The following DOCK3 variants were observed in gnomAD, a reference collection of about 807,000 sequenced individuals.
DOCK3 encodes the protein dedicator of cytokinesis 3, also known as dedicator of cytokinesis protein 3.
In DOCK3, 60 loss-of-function variants were observed where a neutral mutation model predicts 265.6. That is an observed-to-expected ratio of 0.23 (90% CI 0.18 to 0.28). DOCK3 has a LOEUF of 0.28. Among genes scored for constraint, DOCK3 ranks in the 10% least tolerant of loss-of-function variants. The probability of loss-of-function intolerance (pLI) is 1.00; values close to 1 mark genes in which losing one functional copy is unlikely to be tolerated. For missense variants in DOCK3, 1,981 were observed against 2,594.3 expected, an observed-to-expected ratio of 0.76 and a Z score of 5.14; for synonymous variants, 881 against 938.0, an observed-to-expected ratio of 0.94 and a Z score of 1.11.
rs375920614 is a variant in DOCK3 at position 51,181,294 on chromosome 3, C to G, written c.1037+20592C>G. ...TAATGCTTTCCCTCCCCCCTCCCCC[C>G]ACCCCACAACAGGCCCTGGTGTATG... is the stretch of plus-strand genomic sequence containing the variant. On this transcript the variant is annotated intron_variant, in intron 12 of 52. Coordinates refer to ENST00000266037, the MANE Select transcript of DOCK3 (RefSeq NM_004947.5). Among the ~76,000 whole-genome samples the G allele has an allele frequency of 2.0e-3, 213 of 104,304 alleles. 1 individual carries two copies. Among genetic ancestry groups the G allele is most frequent in the Middle Eastern group, 0.01 (1 of 98 alleles). The allele number at this position is 104,304 out of a possible 152,430, so 68.4% of individuals were successfully genotyped here.
chr3:51,228,678 G>C lies in DOCK3; in HGVS notation c.1665G>C (p.Thr555=). 1 of 1,613,662 alleles carries C rather than the reference G, an allele frequency of 6.2e-7. No individual in the cohort carries two copies. The highest frequency in any genetic ancestry group is 1.1e-5 in the South Asian group (1 of 91,028). Reference sequence around the variant, plus strand: ...GCCTACAGTGTGATGAGAATAGCACGTTTAATAACCATGCTCTGTACCTGG... The same window carrying C: ...GCCTACAGTGTGATGAGAATAGCACCTTTAATAACCATGCTCTGTACCTGG... ...LYVYKCDENS[T]FNNHALYLGL... The change falls in exon 18 of 53, where the codon ACG becomes ACC. Residue 555 remains threonine (T), a synonymous_variant. Coordinates refer to ENST00000266037, the MANE Select transcript of DOCK3 (RefSeq NM_004947.5).
chr3:50,888,129 A>G (rs989712134), intron 3 of DOCK3, among the ~76,000 whole-genome samples: 1 of 152,130 alleles, frequency 6.6e-6, no homozygotes, highest in Non-Finnish European at 1.5e-5. Flanking sequence ...TCAGCCCAAA[A>G]TCTCCTTAAG....
At chr3:51,047,122 A>G (rs2080807144) in intron 5 of DOCK3, among the ~76,000 whole-genome samples, 1 of 152,144 alleles carries the variant, frequency 6.6e-6, no homozygotes, top group African/African-American at 2.4e-5. Context: ...ATTATGCCTC[A>G]AGAAGCTAGA....
At chr3:51,317,542 T>G (rs1371533963) in intron 32 of DOCK3, among the ~76,000 whole-genome samples, 1 of 149,424 alleles carries the variant, frequency 6.7e-6, no homozygotes, top group East Asian at 1.9e-4. Context: ...ATCGCACCAC[T>G]GCACTCCAGC....
At chr3:50,702,892 A>G (rs905040828) in intron 1 of DOCK3, among the ~76,000 whole-genome samples, 9 of 152,118 alleles carry the variant, frequency 5.9e-5, no homozygotes, top group Non-Finnish European at 1.3e-4. Flanking sequence ...GAATAAGAGT[A>G]GTGAAAGTGG....
chr3:50,979,976 GGCTTTCTAGT>G (rs923980863), intron 5 of DOCK3, among the ~76,000 whole-genome samples: 4 of 152,092 alleles, frequency 2.6e-5, no homozygotes, highest in Non-Finnish European at 5.9e-5. Flanking sequence ...ACTCTAGCTA[GGCTTTCTAGT>G]ACTGTGTTGA....
chr3:51,258,270 C>T (rs977148020), intron 22 of DOCK3, among the ~76,000 whole-genome samples: 1 of 152,238 alleles, frequency 6.6e-6, no homozygotes, highest in Admixed American at 6.5e-5. Context: ...ATTTGCCTAC[C>T]TCTCAGGAGA....
rs550050183 is a variant in DOCK3, at chr3:51,229,269, G to C, written c.1820-243G>C. On this transcript the variant is annotated intron_variant, in intron 18 of 52. Transcript: ENST00000266037. ...AGTTCAAGACCAGCCTGGCCAACAT[G>C]GTGAAACACCATCTCTACTAAAAAT... Among the ~76,000 whole-genome samples, 85 of 152,270 alleles carry C rather than the reference G, an allele frequency of 5.6e-4. 1 individual carries two copies. Among genetic ancestry groups the C allele is most frequent in the African/African-American group, 2.0e-3 (82 of 41,566 alleles).
At position 51,229,543 on chromosome 3, in the gene DOCK3, C is replaced by A. The variant is rs2090460323; in HGVS notation, c.1851C>A (p.Ala617=). The change falls in exon 19 of 53, where the codon GCC becomes GCA. Residue 617 remains alanine (A), a synonymous_variant. Transcript: ENST00000266037. ...VDLLALLKWK[A]FPDRIMDVLG... is the part of the protein sequence containing the mutation. Reference sequence around the variant, plus strand: ...TCCTAGCTCTGCTGAAGTGGAAAGCCTTCCCCGACCGGATCATGGATGTAC... The same window carrying A: ...TCCTAGCTCTGCTGAAGTGGAAAGCATTCCCCGACCGGATCATGGATGTAC... 1 of 1,607,578 alleles carries A rather than the reference C, an allele frequency of 6.2e-7. No homozygotes were observed. The highest frequency in any genetic ancestry group is 1.3e-5 in the African/African-American group (1 of 74,574).
chr3:51,269,135 C>A (rs59048489), intron 23 of DOCK3, among the ~76,000 whole-genome samples: 70,504 of 142,920 alleles, frequency 0.49, 17,754 homozygotes, highest in Middle Eastern at 0.61. Context: ...CTCTCTCTCT[C>A]TCTATATATA....
intron 49 of DOCK3, among the ~76,000 whole-genome samples, chr3:51,369,500 G>C (rs1211523444): frequency 6.6e-6 from 1 of 152,148 alleles, no homozygotes; most frequent in Non-Finnish European, 1.5e-5. Context: ...AGAGAAAAAA[G>C]AGTAAAAAGA....
At chr3:51,312,127 A>C in intron 29 of DOCK3, 48 bp downstream of exon 29, 1 of 1,501,148 alleles carries the variant, frequency 6.7e-7, no homozygotes, top group Non-Finnish European at 9.1e-7. Flanking sequence ...TAACCTTAGA[A>C]AGCCAAAACC....
chr3:51,179,314 A>T (rs1317598946), intron 12 of DOCK3, among the ~76,000 whole-genome samples: 1 of 152,252 alleles, frequency 6.6e-6, no homozygotes, highest in Admixed American at 6.5e-5. Flanking sequence ...GTGGAATACC[A>T]TAGTCATCCT....
intron 27 of DOCK3, among the ~76,000 whole-genome samples, chr3:51,294,564 G>A (rs2081967927): frequency 6.6e-6 from 1 of 151,964 alleles, no homozygotes; most frequent in Admixed American, 6.6e-5. Flanking sequence ...TGTAGTCCCA[G>A]CTACTGGGGA....
intron 1 of DOCK3, among the ~76,000 whole-genome samples, chr3:50,718,135 T>G (rs1358183920): frequency 6.6e-6 from 1 of 152,214 alleles, no homozygotes; most frequent in Non-Finnish European, 1.5e-5. Flanking sequence ...TCATTCTGCA[T>G]TATCAGGGCA....
intron 5 of DOCK3, among the ~76,000 whole-genome samples, chr3:51,034,480 A>G (rs1443339725): frequency 6.6e-6 from 1 of 152,130 alleles, no homozygotes; most frequent in Non-Finnish European, 1.5e-5. Flanking sequence ...TCCACTTCAC[A>G]TGAAATGTAG....
intron 19 of DOCK3, among the ~76,000 whole-genome samples, chr3:51,235,204 A>G (rs903412215): frequency 1.3e-5 from 2 of 152,260 alleles, no homozygotes; most frequent in African/African-American, 4.8e-5. Flanking sequence ...TGATCAGATT[A>G]TCATAAAAAT....
intron 5 of DOCK3, among the ~76,000 whole-genome samples, chr3:50,974,232 G>T (rs1219366548): frequency 6.6e-6 from 1 of 151,846 alleles, no homozygotes; most frequent in African/African-American, 2.4e-5. Flanking sequence ...TGTCCTGAAT[G>T]GTATTGCCTA....
At chr3:51,302,851 A>AT (rs2082430737) in intron 27 of DOCK3, among the ~76,000 whole-genome samples, 2 of 151,832 alleles carry the variant, frequency 1.3e-5, no homozygotes, top group East Asian at 1.9e-4. Flanking sequence ...TGCCCTTAAC[A>AT]TTTTTTCCTT....
Sources: gnomAD v4.1 joint callset for allele counts (sites outside exome capture counted in the v4.1 genomes callset) on GRCh38, gnomAD v4.1.1 for gene constraint, MANE v1.5 for transcripts, NCBI Gene and HGNC (gene_info 2026-07-23, HGNC 2026-07-21) for gene names.